ERC1: variants seen among roughly 807,000 people sequenced by gnomAD.
The protein encoded by ERC1 is ELKS/RAB6-interacting/CAST family member 1.
A neutral mutation model predicts 132.0 loss-of-function variants in ERC1; 56 were observed. The ratio of observed to expected loss-of-function variants is 0.42; its 90% CI spans 0.34 to 0.53. ERC1 has a LOEUF of 0.53. ERC1 is among the 20% of genes least tolerant of loss of function. The probability of loss-of-function intolerance (pLI) is 0.03; values close to 1 mark genes in which losing one functional copy is unlikely to be tolerated. For missense variants in ERC1, 1,202 were observed against 1,349.9 expected (o/e 0.89, Z 1.72); for synonymous variants, 478 against 476.1 (o/e 1.00, Z -0.05).
At position 1,196,806 on chromosome 12, in the gene ERC1, TTCTCTC is replaced by T. The variant is rs755412381; in HGVS notation, c.2351+6774_2351+6779del. Among the ~76,000 whole-genome samples the T allele has an allele frequency of 2.8e-4, 25 of 90,352 alleles. 1 individual carries two copies. The highest frequency in any genetic ancestry group is 1.4e-3 in the Admixed American group (13 of 9,456). 59.3% of individuals were successfully genotyped at this position (90,352 alleles called of 152,430 possible). On this transcript the variant is annotated intron_variant, in intron 12 of 18. Coordinates refer to ENST00000360905, the MANE Select transcript of ERC1 (RefSeq NM_178040.4). ...CACCTGGTGCATGTGCGCACGCTAT[TTCTCTC>T]TCTCTCTCTCTCTCTCTCTGTCTGT... is the stretch of plus-strand genomic sequence containing the variant.
At chr12:1,461,875 CT>C (rs1180804015) in intron 18 of ERC1, among the ~76,000 whole-genome samples, 1 of 152,070 alleles carries the variant, frequency 6.6e-6, no homozygotes, top group African/African-American at 2.4e-5. Context: ...CTTTATCAAA[CT>C]TTAAACTTCT....
intron 18 of ERC1, among the ~76,000 whole-genome samples, chr12:1,484,728 C>T (rs1386654345): frequency 1.3e-5 from 2 of 151,842 alleles, no homozygotes; most frequent in Non-Finnish European, 1.5e-5. Flanking sequence ...CAGGTGCACG[C>T]CACCATGCCC....
At chr12:1,446,115 GT>G (rs1452938480) in intron 18 of ERC1, among the ~76,000 whole-genome samples, 1 of 152,060 alleles carries the variant, frequency 6.6e-6, no homozygotes, top group African/African-American at 2.4e-5. Context: ...TCCATCTATA[GT>G]ACTCCCTAGA....
chr12:1,262,949 T>C, intron 13 of ERC1, 85 bp from the exon 14 acceptor site: 1 of 1,379,940 alleles, frequency 7.2e-7, no homozygotes. Flanking sequence ...GAACATTTAA[T>C]AAGCAAACAG....
At chr12:1,006,551 T>C (rs982969044) in intron 1 of ERC1, among the ~76,000 whole-genome samples, 4 of 152,082 alleles carry the variant, frequency 2.6e-5, no homozygotes, top group African/African-American at 9.7e-5. Context: ...CCCAGCTCAT[T>C]TTTGTAATTT....
intron 12 of ERC1, among the ~76,000 whole-genome samples, chr12:1,225,093 A>AT (rs1361839974): frequency 6.6e-6 from 1 of 151,136 alleles, no homozygotes; most frequent in Non-Finnish European, 1.5e-5. Flanking sequence ...ATATACATAC[A>AT]TTTGGGATCA....
chr12:1,456,762 T>C (rs898375853), intron 18 of ERC1, among the ~76,000 whole-genome samples: 2 of 151,770 alleles, frequency 1.3e-5, no homozygotes, highest in Non-Finnish European at 2.9e-5. Context: ...CCAGATGCAG[T>C]GAGTGGTTCT....
At chr12:1,405,788 C>G (rs1235708589) in intron 16 of ERC1, among the ~76,000 whole-genome samples, 1 of 152,140 alleles carries the variant, frequency 6.6e-6, no homozygotes, top group South Asian at 2.1e-4. Context: ...CCGTGGCTCA[C>G]GCCTGTAATC....
chr12:1,394,926 G>A (rs1012573236), intron 16 of ERC1, among the ~76,000 whole-genome samples: 5 of 152,148 alleles, frequency 3.3e-5, no homozygotes, highest in Non-Finnish European at 5.9e-5. Context: ...TTGGATCCTG[G>A]CCATTGTTCA....
chr12:1,145,375 A>G (rs1039690196), intron 8 of ERC1, among the ~76,000 whole-genome samples: 1 of 152,048 alleles, frequency 6.6e-6, no homozygotes, highest in Non-Finnish European at 1.5e-5. Context: ...AGAACTGTCT[A>G]TTCTTTTGAG....
At chr12:1,430,739 G>A (rs1008937512) in intron 17 of ERC1, 3 of 152,484 alleles carry the variant, frequency 2.0e-5, no homozygotes, top group East Asian at 3.9e-4. Flanking sequence ...GCCATTAGGT[G>A]GTTGCAGTCA....
At chr12:1,265,951 G>A (rs920510761) in intron 14 of ERC1, among the ~76,000 whole-genome samples, 3 of 152,148 alleles carry the variant, frequency 2.0e-5, no homozygotes, top group Non-Finnish European at 4.4e-5. Context: ...TCCTTCAGCT[G>A]TTGAAGGACG....
chr12:1,293,280 C>T (rs1363548699), intron 15 of ERC1, among the ~76,000 whole-genome samples: 5 of 150,964 alleles, frequency 3.3e-5, no homozygotes, highest in Non-Finnish European at 5.9e-5. Context: ...CGGTGAACCC[C>T]GTCTCTACTA....
chr12:1,210,468 A>C (rs73025617), intron 12 of ERC1, among the ~76,000 whole-genome samples: 2 of 152,134 alleles, frequency 1.3e-5, no homozygotes, highest in Non-Finnish European at 2.9e-5. Flanking sequence ...TGGGTTGTCA[A>C]ATGTTTGAGC....
At chr12:1,116,369 T>C (rs1239474236) in intron 7 of ERC1, among the ~76,000 whole-genome samples, 1 of 152,170 alleles carries the variant, frequency 6.6e-6, no homozygotes, top group Non-Finnish European at 1.5e-5. Context: ...CCCTGGTGAA[T>C]TTTCTAGTCA....
chr12:1,458,845 G>A (rs1310356311), intron 18 of ERC1, among the ~76,000 whole-genome samples: 2 of 152,234 alleles, frequency 1.3e-5, no homozygotes, highest in African/African-American at 2.4e-5. Context: ...GGACCTGGAA[G>A]CAGTGACACC....
chr12:1,337,796 T>C lies in ERC1; in HGVS notation c.2781-34037T>C, dbSNP rs190568546. ...AAGGATCTGATTTTTCCCTCACTTATGAAGGTTATTTTGTCCAGATATGAA... is the reference window on the plus strand; with the variant it reads ...AAGGATCTGATTTTTCCCTCACTTACGAAGGTTATTTTGTCCAGATATGAA... On this transcript the variant is annotated intron_variant, in intron 15 of 18. Coordinates refer to ENST00000360905, the MANE Select transcript of ERC1 (RefSeq NM_178040.4). 7.7e-4 allele frequency among the ~76,000 whole-genome samples: 118 copies of C among 152,332 alleles called. 2 individuals carry two copies. Among genetic ancestry groups the C allele is most frequent in the Admixed American group, 7.4e-3 (113 of 15,306 alleles).
chr12:1,034,064 T>G (rs935215750), intron 2 of ERC1, among the ~76,000 whole-genome samples: 1 of 152,220 alleles, frequency 6.6e-6, no homozygotes, highest in Non-Finnish European at 1.5e-5. Context: ...TTAGGGGTTG[T>G]ATTGGGTTCT....
At chr12:1,418,922 C>T (rs950240900) in intron 17 of ERC1, among the ~76,000 whole-genome samples, 4 of 151,792 alleles carry the variant, frequency 2.6e-5, no homozygotes, top group African/African-American at 9.7e-5. Flanking sequence ...CTGTGTTGCC[C>T]AGGCTGGTCT....
Sources: gnomAD v4.1 joint callset for allele counts (sites outside exome capture counted in the v4.1 genomes callset) on GRCh38, gnomAD v4.1.1 for gene constraint, MANE v1.5 for transcripts, NCBI Gene and HGNC (gene_info 2026-07-23, HGNC 2026-07-21) for gene names.